The following RASSF6 variants were observed in gnomAD, a reference collection of about 807,000 sequenced individuals.
RASSF6 encodes the protein Ras association domain family member 6.
Under a neutral mutation model 44.0 loss-of-function variants are expected in RASSF6, and 52 were observed. That is an observed-to-expected ratio of 1.18 (90% CI 0.95 to 1.49). RASSF6 has a LOEUF of 1.49. Among genes scored for constraint, RASSF6 ranks in the 40% most tolerant of loss-of-function variants. RASSF6 has a pLI of 0.00. For synonymous variants in RASSF6, 162 were observed against 124.6 expected (o/e 1.30, Z -2.00); for missense variants, 464 against 393.3 (o/e 1.18, Z -1.52).
rs749464698 is a variant in RASSF6, at chr4:73,598,689, T to C, written c.95A>G (p.Tyr32Cys). 2.7e-6 allele frequency: 4 copies of C among 1,493,978 alleles called. No individual in the cohort carries two copies. Among genetic ancestry groups the C allele is most frequent in the South Asian group, 2.4e-5 (2 of 81,964 alleles). 92.5% of individuals were successfully genotyped at this position (1,493,978 alleles called of 1,614,324 possible). Residue 32 changes from tyrosine to cysteine, a missense_variant, in exon 3 of 11, where the codon TAT becomes TGT. Physicochemically the swap from Tyr to Cys is radical, Grantham distance 194. Transcript: ENST00000307439. ...REQLNSLLKT[Y>C]NIFYENQKNL... Reference sequence around the variant, plus strand: ...TTTCTGGTTCTCATAAAAAATGTTATAGGTCTTCAATAAAGAATTAAGTTG... The same window carrying C: ...TTTCTGGTTCTCATAAAAAATGTTACAGGTCTTCAATAAAGAATTAAGTTG...
chr4:73,609,431 A>C (rs930104471), intron 2 of RASSF6, among the ~76,000 whole-genome samples: 17 of 152,214 alleles, frequency 1.1e-4, no homozygotes, highest in African/African-American at 3.9e-4. Context: ...TACCCTTTGA[A>C]CAGGGAAGTT....
At chr4:73,587,159 A>G (rs1242437943) in intron 5 of RASSF6, among the ~76,000 whole-genome samples, 1 of 152,082 alleles carries the variant, frequency 6.6e-6, no homozygotes, top group Non-Finnish European at 1.5e-5. Flanking sequence ...CCTGATACTT[A>G]CCAGAGTCTC....
At position 73,576,548 on chromosome 4, in the gene RASSF6, A is replaced by T. The variant is rs1002092673; in HGVS notation, c.841-41T>A. ...AAGAAAAAAAAAAGAAAGCAGAACAATTATGCAAGAGGTGCTGAGTCAGGA... is the reference window on the plus strand; with the variant it reads ...AAGAAAAAAAAAAGAAAGCAGAACATTTATGCAAGAGGTGCTGAGTCAGGA... On this transcript the variant is annotated intron_variant, in intron 9 of 10. Transcript: ENST00000307439. The T allele has an allele frequency of 3.2e-6, 5 of 1,555,526 alleles. No homozygotes were observed. The East Asian group carries it at 1.1e-4, about 35-fold the overall frequency.
At chr4:73,615,754 T>C (rs1726313798) in intron 1 of RASSF6, 1 of 668,730 alleles carries the variant, frequency 1.5e-6, no homozygotes. Flanking sequence ...GTAGAATTGG[T>C]CTGAACAAGC....
intron 8 of RASSF6, among the ~76,000 whole-genome samples, chr4:73,579,069 T>TAC: frequency 6.6e-6 from 1 of 152,198 alleles, no homozygotes; most frequent in African/African-American, 2.4e-5. Context: ...AAAAATGGGA[T>TAC]CTTTTATATA....
rs1415516531 is a variant in RASSF6 at position 73,577,811 on chromosome 4, TA to T, written c.722-1081del. Reference sequence around the variant, plus strand: ...TGGGATGATTATTAAAAATAATGATTAAAAAATTATGATGATGATTATTAAA... The same window carrying T: ...TGGGATGATTATTAAAAATAATGATTAAAAATTATGATGATGATTATTAAA... On this transcript the variant is annotated intron_variant, in intron 8 of 10. Coordinates refer to ENST00000307439, the MANE Select transcript of RASSF6 (RefSeq NM_177532.5). 1.1e-4 allele frequency among the ~76,000 whole-genome samples: 16 copies of T among 152,286 alleles called. No homozygotes were observed. The East Asian group carries it at 2.3e-3, about 22-fold the overall frequency.
intron 2 of RASSF6, among the ~76,000 whole-genome samples, chr4:73,607,901 C>A (rs1355135230): frequency 1.6e-5 from 2 of 127,324 alleles, no homozygotes; most frequent in Non-Finnish European, 3.4e-5. Flanking sequence ...CCCTCCCCTC[C>A]CCTCCTCTCT....
chr4:73,585,728 T>A (rs1240827790), intron 5 of RASSF6, among the ~76,000 whole-genome samples: 2 of 152,080 alleles, frequency 1.3e-5, no homozygotes, highest in Non-Finnish European at 2.9e-5. Flanking sequence ...AGGTTTGATC[T>A]CTTACAGGTA....
intron 2 of RASSF6, among the ~76,000 whole-genome samples, chr4:73,607,334 C>T (rs1245337042): frequency 6.6e-6 from 1 of 152,172 alleles, no homozygotes; most frequent in Non-Finnish European, 1.5e-5. Context: ...GTGTCCTGCA[C>T]CCCAGCACCC....
intron 2 of RASSF6, among the ~76,000 whole-genome samples, chr4:73,598,993 C>T (rs189337331): frequency 2.6e-4 from 39 of 152,258 alleles, no homozygotes; most frequent in African/African-American, 8.2e-4. Context: ...GAGGCAGCCA[C>T]GAAACAGGAA....
Position 73,581,997 on chromosome 4 carries a change from C to T in RASSF6, c.670-129G>A, listed in dbSNP as rs142322030. ...ACTTTTAGACATAAAATCTTCTCTGCTCTTATGGGAATTATATAATTTTTC... is the reference window on the plus strand; with the variant it reads ...ACTTTTAGACATAAAATCTTCTCTGTTCTTATGGGAATTATATAATTTTTC... On this transcript the variant is annotated intron_variant, in intron 7 of 10. Coordinates refer to ENST00000307439, the MANE Select transcript of RASSF6 (RefSeq NM_177532.5). 3.5e-3 allele frequency: 2,512 copies of T among 721,668 alleles called. 50 individuals are homozygous for T. In the African/African-American group the frequency reaches 0.04, roughly 11 times the overall value. The allele number at this position is 721,668 out of a possible 1,614,324, so 44.7% of individuals were successfully genotyped here.
intron 2 of RASSF6, among the ~76,000 whole-genome samples, chr4:73,601,878 T>C (rs1367156968): frequency 1.3e-5 from 2 of 152,178 alleles, no homozygotes; most frequent in Non-Finnish European, 2.9e-5. Context: ...CATTACACCA[T>C]CCCACAGAAG....
At chr4:73,596,766 A>G (rs558346754) in intron 3 of RASSF6, among the ~76,000 whole-genome samples, 2 of 152,314 alleles carry the variant, frequency 1.3e-5, no homozygotes, top group East Asian at 3.9e-4. Flanking sequence ...TACTGGTACG[A>G]GAACAGACAC....
At chr4:73,615,927 G>A in intron 1 of RASSF6, 2 of 1,550,272 alleles carry the variant, frequency 1.3e-6, no homozygotes, top group Non-Finnish European at 1.7e-6. Flanking sequence ...CAGAGGACAG[G>A]AAGTGAATTC....
chr4:73,586,785 G>A (rs1528917), intron 5 of RASSF6, among the ~76,000 whole-genome samples: 8 of 151,282 alleles, frequency 5.3e-5, no homozygotes, highest in Admixed American at 2.0e-4. Context: ...TGGAAGGGCC[G>A]ATATTTAACA....
chr4:73,581,754 C>T lies in RASSF6; in HGVS notation c.721+63G>A. 3 of 1,072,950 alleles carry T rather than the reference C, an allele frequency of 2.8e-6. No homozygotes were observed. In the South Asian group the frequency reaches 4.2e-5, roughly 15 times the overall value. 66.5% of individuals were successfully genotyped at this position (1,072,950 alleles called of 1,614,324 possible). On this transcript the variant is annotated intron_variant, in intron 8 of 10. Transcript: ENST00000307439. ...ATGAGGCAAACTGTTCTTCTGCCTTCCCCCTGGGCAGCAAACTGTAGCACT... is the reference window on the plus strand; with the variant it reads ...ATGAGGCAAACTGTTCTTCTGCCTTTCCCCTGGGCAGCAAACTGTAGCACT...
At chr4:73,607,032 C>T (rs1355854365) in intron 2 of RASSF6, among the ~76,000 whole-genome samples, 1 of 152,110 alleles carries the variant, frequency 6.6e-6, no homozygotes, top group Admixed American at 6.6e-5. Flanking sequence ...TGACTTTGTT[C>T]TTCAGTAATG....
At chr4:73,620,549 A>G, upstream of RASSF6, 1 of 1,312,990 alleles carries the variant, frequency 7.6e-7, no homozygotes, top group Non-Finnish European at 1.0e-6. Context: ...GCGATCCTGG[A>G]GCCCCAGGAG....
At position 73,598,634 on chromosome 4, in the gene RASSF6, G is replaced by C. The variant is rs1474198201; in HGVS notation, c.144+6C>G. The C allele has an allele frequency of 1.3e-6, 2 of 1,487,668 alleles. No homozygotes were observed. Among genetic ancestry groups the C allele is most frequent in the Non-Finnish European group, 1.9e-6 (2 of 1,080,964 alleles). 92.2% of individuals were successfully genotyped at this position (1,487,668 alleles called of 1,614,324 possible). A position where few individuals can be genotyped will look rare whatever the true frequency, so the allele number is the denominator to read the frequency against. On this transcript the variant is annotated splice_donor_region_variant and intron_variant, in intron 3 of 10. Coordinates refer to ENST00000307439, the MANE Select transcript of RASSF6 (RefSeq NM_177532.5). ...ACACCGGATTGCCTTTCTTCAGTGG[G>C]CTTACCTCTCCATATAAAATATGCA...
Sources: allele counts gnomAD v4.1 joint callset (sites outside exome capture counted in the v4.1 genomes callset), GRCh38; gene constraint gnomAD v4.1.1; transcripts MANE v1.5; gene names NCBI Gene and HGNC (gene_info 2026-07-23, HGNC 2026-07-21).